The following NSF variants were observed in gnomAD, a reference collection of about 807,000 sequenced individuals.
NSF encodes N-ethylmaleimide sensitive factor, vesicle fusing ATPase.
Under a neutral mutation model 50.3 loss-of-function variants are expected in NSF, and 14 were observed. The ratio of observed to expected loss-of-function variants is 0.28; its 90% CI spans 0.18 to 0.44. The LOEUF (loss-of-function observed/expected upper bound fraction) is 0.44, where lower values mean the gene tolerates loss of function less well. Ranked by LOEUF, NSF falls within the 20% of genes least tolerant of loss-of-function variation. The probability of loss-of-function intolerance (pLI) is 1.00; values close to 1 mark genes in which losing one functional copy is unlikely to be tolerated. For synonymous variants in NSF, 109 were observed against 175.7 expected, an observed-to-expected ratio of 0.62 and a Z score of 3.00; for missense variants, 218 against 504.3, an observed-to-expected ratio of 0.43 and a Z score of 5.44.
chr17:46,622,402 A>G (rs2146135134), intron 1 of NSF, among the ~76,000 whole-genome samples: 1 of 149,412 alleles, frequency 6.7e-6, no homozygotes, highest in Non-Finnish European at 1.5e-5. Flanking sequence ...AGCTTGCAGT[A>G]AGCCGATATC....
At chr17:46,736,679 T>G (rs1017949425) in intron 17 of NSF, among the ~76,000 whole-genome samples, 1 of 152,248 alleles carries the variant, frequency 6.6e-6, no homozygotes, top group African/African-American at 2.4e-5. Context: ...AAAAATTCCT[T>G]AATTCCATTG....
chr17:46,722,837 A>T lies in NSF; in HGVS notation c.1762-3712A>T, dbSNP rs1177629404. On this transcript the variant is annotated intron_variant, in intron 15 of 20. Transcript: ENST00000398238. ...AGTTTCAGTTGACTGGTTACCTGAA[A>T]CTAGTCAAGTTACAACTGGAATTGC... Among the ~76,000 whole-genome samples, 9 of 152,216 alleles carry T rather than the reference A, an allele frequency of 5.9e-5. No individual in the cohort carries two copies. The East Asian group carries it at 1.7e-3, about 29-fold the overall frequency.
chr17:46,729,072 G>C lies in NSF; in HGVS notation c.1908+138G>C, dbSNP rs892063404. Reference sequence around the variant, plus strand: ...TGAAAGGATTTTGAAAGGTCGTCCAGTCTTGACTTCTGTTTAAGGTAAATT... The same window carrying C: ...TGAAAGGATTTTGAAAGGTCGTCCACTCTTGACTTCTGTTTAAGGTAAATT... On this transcript the variant is annotated intron_variant, in intron 17 of 20. Coordinates refer to ENST00000398238, the MANE Select transcript of NSF (RefSeq NM_006178.4). The C allele has an allele frequency of 1.4e-5, 8 of 562,130 alleles. No individual in the cohort carries two copies. The East Asian group carries it at 2.4e-4, about 17-fold the overall frequency. 34.8% of individuals were successfully genotyped at this position (562,130 alleles called of 1,614,324 possible).
At chr17:46,697,419 C>T (rs2058605941) in intron 12 of NSF, among the ~76,000 whole-genome samples, 1 of 149,720 alleles carries the variant, frequency 6.7e-6, no homozygotes, top group East Asian at 2.0e-4. Context: ...ACCATGTTGG[C>T]CAGGCTGGTC....
intron 8 of NSF, among the ~76,000 whole-genome samples, chr17:46,655,900 G>A (rs1201668350): frequency 4.5e-5 from 4 of 88,794 alleles, no homozygotes; most frequent in Admixed American, 2.9e-4. Flanking sequence ...ATGTTATCTA[G>A]AAATGAATCT....
At position 46,752,568 on chromosome 17, in the gene NSF, G is replaced by A. The variant is rs867802896; in HGVS notation, c.2157+952G>A. 1.4e-4 allele frequency among the ~76,000 whole-genome samples: 22 copies of A among 152,168 alleles called. 1 individual carries two copies. In the Middle Eastern group the frequency reaches 0.017, roughly 118 times the overall value. ...CCTCGCAGGCTCAGGCGTTCCTCCCGTCTCAGCCTCCCAAGTAGCTGGGAC... is the reference window on the plus strand; with the variant it reads ...CCTCGCAGGCTCAGGCGTTCCTCCCATCTCAGCCTCCCAAGTAGCTGGGAC... On this transcript the variant is annotated intron_variant, in intron 19 of 20. Transcript: ENST00000398238.
chr17:46,598,970 C>T (rs1373894400), intron 1 of NSF, among the ~76,000 whole-genome samples: 1 of 127,782 alleles, frequency 7.8e-6, no homozygotes, highest in Non-Finnish European at 1.6e-5. Context: ...TTAAAAGTAT[C>T]TTCAAATGCA....
chr17:46,713,461 C>T (rs1326139021), intron 14 of NSF: 1 of 159,862 alleles, frequency 6.3e-6, no homozygotes, highest in Non-Finnish European at 1.4e-5. Context: ...TTTTCCCCTG[C>T]CCCCAATATC....
rs916314627 is a variant in NSF at position 46,719,002 on chromosome 17, C to T, written c.1761+5016C>T. 3.3e-5 allele frequency among the ~76,000 whole-genome samples: 5 copies of T among 152,124 alleles called. No individual in the cohort carries two copies. Among genetic ancestry groups the T allele is most frequent in the African/African-American group, 9.7e-5 (4 of 41,432 alleles). On this transcript the variant is annotated intron_variant, in intron 15 of 20. Coordinates refer to ENST00000398238, the MANE Select transcript of NSF (RefSeq NM_006178.4). The surrounding 1 kb of genome is among the most constrained non-coding windows in gnomAD (Gnocchi z 4.3). ...AATGCTCTTGGTTTTATAAAGCCTA[C>T]GCCTTCAGAATGTTGTACTAATTTA... is the stretch of plus-strand genomic sequence containing the variant.
At chr17:46,726,708 T>C (rs1394749255) in intron 16 of NSF, 93 bp downstream of exon 16, 1 of 1,092,548 alleles carries the variant, frequency 9.2e-7, no homozygotes, top group Non-Finnish European at 1.4e-6. Context: ...ATTTATAAAC[T>C]GTAAAGCAAT....
chr17:46,746,372 G>C (rs555934114), intron 17 of NSF, among the ~76,000 whole-genome samples: 1 of 152,270 alleles, frequency 6.6e-6, no homozygotes, highest in South Asian at 2.1e-4. Flanking sequence ...GCCCATTCTT[G>C]GCACAGCAGG....
intron 9 of NSF, among the ~76,000 whole-genome samples, chr17:46,676,584 A>C (rs1598672551): frequency 7.0e-6 from 1 of 143,176 alleles, no homozygotes; most frequent in Non-Finnish European, 1.5e-5. Flanking sequence ...TTAGAATTTG[A>C]ATGAATGTAT....
At chr17:46,749,972 A>G in intron 18 of NSF, 65 bp downstream of exon 18, 3 of 1,506,190 alleles carry the variant, frequency 2.0e-6, no homozygotes, top group Non-Finnish European at 2.7e-6. Context: ...AATAAGTAGT[A>G]CCACATTATA....
At chr17:46,716,064 A>G (rs995501128) in intron 15 of NSF, among the ~76,000 whole-genome samples, 1 of 152,194 alleles carries the variant, frequency 6.6e-6, no homozygotes, top group African/African-American at 2.4e-5. Flanking sequence ...GGTTTCTTAG[A>G]AATATATTAG....
At chr17:46,709,486 G>A (rs2058696200) in intron 13 of NSF, among the ~76,000 whole-genome samples, 1 of 151,620 alleles carries the variant, frequency 6.6e-6, no homozygotes, top group South Asian at 2.1e-4. Flanking sequence ...ACAAAAGCCA[G>A]CCTATAATTT....
At chr17:46,721,285 C>T (rs909064565) in intron 15 of NSF, among the ~76,000 whole-genome samples, 1 of 152,196 alleles carries the variant, frequency 6.6e-6, no homozygotes, top group Non-Finnish European at 1.5e-5. Context: ...CACAGGTGGA[C>T]ATAACGGGCT....
intron 17 of NSF, among the ~76,000 whole-genome samples, chr17:46,731,909 T>G (rs1413028340): frequency 6.6e-6 from 1 of 152,232 alleles, no homozygotes; most frequent in African/African-American, 2.4e-5. Context: ...TCATACCACC[T>G]TGCTTTTTAA....
chr17:46,737,578 T>C (rs867013129), intron 17 of NSF, among the ~76,000 whole-genome samples: 2,230 of 147,382 alleles, frequency 0.015, 46 homozygotes, highest in African/African-American at 0.052. Flanking sequence ...TGTGCGTGTG[T>C]GTGTGTGTGT....
intron 20 of NSF, 57 bp from the exon 21 acceptor site, chr17:46,755,745 G>GTTT: frequency 9.6e-7 from 1 of 1,045,780 alleles, no homozygotes; most frequent in Non-Finnish European, 1.4e-6. Flanking sequence ...TTTTTTTGAT[G>GTTT]AATAGTTTTT....
Sources: gnomAD v4.1 joint callset for allele counts (sites outside exome capture counted in the v4.1 genomes callset) on GRCh38, gnomAD v4.1.1 for gene constraint, Gnocchi (gnomAD v3.1) non-coding constraint, MANE v1.5 for transcripts, NCBI Gene and HGNC (gene_info 2026-07-23, HGNC 2026-07-21) for gene names.